Variants in SERINC5 observed in about 807,000 individuals in gnomAD.
SERINC5 encodes chromosome 5 open reading frame 12.
A neutral mutation model predicts 63.1 loss-of-function variants in SERINC5; 41 were observed. The observed-to-expected ratio is 0.65, with a 90% CI of 0.51 to 0.84. The LOEUF (loss-of-function observed/expected upper bound fraction) is 0.84, where lower values mean the gene tolerates loss of function less well. SERINC5 is among the 40% of genes least tolerant of loss of function. The probability of loss-of-function intolerance (pLI) is 0.00; values close to 1 mark genes in which losing one functional copy is unlikely to be tolerated. For missense variants in SERINC5, 523 were observed against 573.0 expected, an observed-to-expected ratio of 0.91 and a Z score of 0.89; for synonymous variants, 222 against 215.2, an observed-to-expected ratio of 1.03 and a Z score of -0.28.
intron 11 of SERINC5, 89 bp downstream of exon 11, chr5:80,146,001 C>T: frequency 7.2e-7 from 1 of 1,394,844 alleles, no homozygotes; most frequent in Non-Finnish European, 1.0e-6. Flanking sequence ...CAGAGTGAGA[C>T]TCCTTCTCAA....
intron 1 of SERINC5, among the ~76,000 whole-genome samples, chr5:80,227,681 G>T (rs1751230834): frequency 6.6e-6 from 1 of 151,602 alleles, no homozygotes; most frequent in Admixed American, 6.6e-5. Context: ...TCAATCATTT[G>T]AAAGTTAAAA....
intron 2 of SERINC5, among the ~76,000 whole-genome samples, chr5:80,186,435 A>G (rs1748815581): frequency 6.6e-6 from 1 of 152,010 alleles, no homozygotes; most frequent in Non-Finnish European, 1.5e-5. Flanking sequence ...ACCGCGCCCG[A>G]CCTGTCAGTA....
chr5:80,246,125 T>C (rs1006556669), intron 1 of SERINC5, among the ~76,000 whole-genome samples: 13 of 152,266 alleles, frequency 8.5e-5, no homozygotes, highest in East Asian at 3.9e-4. Flanking sequence ...AATACTGCCA[T>C]TGTTTCTGAG....
rs769267723 is a variant in SERINC5 at position 80,142,115 on chromosome 5, C to G, written c.*1548G>C. 1.8e-4 allele frequency: 175 copies of G among 985,318 alleles called. No individual in the cohort carries two copies. In the Middle Eastern group the frequency reaches 2.6e-3, roughly 15 times the overall value. The allele number at this position is 985,318 out of a possible 1,614,324, so 61.0% of individuals were successfully genotyped here. On this transcript the variant is annotated 3_prime_UTR_variant, in exon 12 of 12. Coordinates refer to ENST00000507668, the MANE Select transcript of SERINC5 (RefSeq NM_001174072.3). ...CCTTTTATTCTTAGATCCTCACTTA[C>G]AGAGAGCTCGAGAAGATTCTTTCCA... is the stretch of plus-strand genomic sequence containing the variant.
intron 8 of SERINC5, 130 bp from the exon 9 acceptor site, chr5:80,151,078 A>G: frequency 1.4e-6 from 1 of 711,482 alleles, no homozygotes; most frequent in South Asian, 1.5e-5. Context: ...GACTTAAATC[A>G]AAGCAATCTA....
chr5:80,208,940 A>T (rs946521825), intron 1 of SERINC5, among the ~76,000 whole-genome samples: 2 of 152,226 alleles, frequency 1.3e-5, no homozygotes, highest in Non-Finnish European at 2.9e-5. Context: ...AGTACCTCAG[A>T]AAGTGACTGT....
chr5:80,215,979 T>C (rs890714688), intron 1 of SERINC5, among the ~76,000 whole-genome samples: 3 of 152,164 alleles, frequency 2.0e-5, no homozygotes, highest in African/African-American at 7.2e-5. Flanking sequence ...AGCAGTGGGA[T>C]TATTTGAATC....
intron 1 of SERINC5, among the ~76,000 whole-genome samples, chr5:80,250,809 G>A (rs1326731321): frequency 1.3e-5 from 2 of 152,018 alleles, no homozygotes; most frequent in Non-Finnish European, 1.5e-5. Flanking sequence ...CATTTACAGC[G>A]ACCAACCCTT....
At chr5:80,211,481 G>C (rs966291435) in intron 1 of SERINC5, among the ~76,000 whole-genome samples, 1 of 152,124 alleles carries the variant, frequency 6.6e-6, no homozygotes, top group African/African-American at 2.4e-5. Flanking sequence ...ATAACCACAT[G>C]AACTCCTGTG....
chr5:80,134,143 C>CTA (rs1039526862), downstream of SERINC5, among the ~76,000 whole-genome samples: 2 of 152,202 alleles, frequency 1.3e-5, no homozygotes, highest in Non-Finnish European at 2.9e-5. Flanking sequence ...AGTTCCCAGG[C>CTA]TAAAAGGGTG....
intron 1 of SERINC5, among the ~76,000 whole-genome samples, chr5:80,225,569 C>T (rs1561439448): frequency 6.6e-6 from 1 of 152,162 alleles, no homozygotes; most frequent in Non-Finnish European, 1.5e-5. Flanking sequence ...CTCCTTCTTC[C>T]TGATAGCACC....
chr5:80,114,955 A>G (rs966098156), intron 11 of SERINC5, among the ~76,000 whole-genome samples: 1 of 152,000 alleles, frequency 6.6e-6, no homozygotes, highest in Non-Finnish European at 1.5e-5. Flanking sequence ...TGGATCTGTG[A>G]CACTCCATAA....
chr5:80,226,786 C>T (rs13355153), intron 1 of SERINC5, among the ~76,000 whole-genome samples: 20,818 of 152,158 alleles, frequency 0.14, 1,910 homozygotes, highest in Non-Finnish European at 0.19. Flanking sequence ...AGGTAGGGTC[C>T]TCAGTTCTTA....
In SERINC5 at chr5:80,255,878, GC is replaced by G; in HGVS notation, c.27+17del. ...TCTCCGATCTGACAACCCCCGCGCT[GC>G]GCCCGGCCTCGCTCACCTGGCCCGC... On this transcript the variant is annotated intron_variant, in intron 1 of 11. Transcript: ENST00000507668. 6.3e-7 allele frequency: 1 copy of G among 1,589,924 alleles called. No individual in the cohort carries two copies. The highest frequency in any genetic ancestry group is 1.7e-5 in the Admixed American group (1 of 58,636).
intron 11 of SERINC5, chr5:80,116,122 A>G: frequency 2.8e-6 from 1 of 360,650 alleles, no homozygotes; most frequent in Non-Finnish European, 5.4e-6. Flanking sequence ...TGCTGCAGCA[A>G]TGCAAAAATA....
rs1329397156 is a variant in SERINC5, at chr5:80,113,613, G to T, written c.1251C>A (p.His417Gln). ...GGAGGCCTCAGAATCATGGCAGGAGGTGAAAGGCACTTCTTACATGGCAGC... is the reference window on the plus strand; with the variant it reads ...GGAGGCCTCAGAATCATGGCAGGAGTTGAAAGGCACTTCTTACATGGCAGC... The change falls in exon 12 of 13, where the codon CAC (histidine) becomes CAA (glutamine). Residue 417 changes from histidine (H) to glutamine (Q), a missense_variant. Physicochemically the swap from His to Gln is conservative, Grantham distance 24. Coordinates refer to the SERINC5 transcript ENST00000509193. The T allele has an allele frequency of 2.1e-5, 6 of 292,388 alleles. No individual in the cohort carries two copies. In the East Asian group the frequency reaches 6.8e-4, roughly 33 times the overall value. 18.1% of individuals were successfully genotyped at this position (292,388 alleles called of 1,614,324 possible).
chr5:80,178,537 A>ATTTT (rs1182662594), intron 2 of SERINC5, among the ~76,000 whole-genome samples: 417 of 77,526 alleles, frequency 5.4e-3, no homozygotes, highest in East Asian at 0.019. Context: ...TAATTTTTGT[A>ATTTT]TTTTTTTTTT....
At chr5:80,144,673 C>T (rs1320277352) in intron 11 of SERINC5, among the ~76,000 whole-genome samples, 1 of 152,132 alleles carries the variant, frequency 6.6e-6, no homozygotes, top group African/African-American at 2.4e-5. Context: ...AACCACCACT[C>T]CCACCACCCC....
intron 11 of SERINC5, among the ~76,000 whole-genome samples, chr5:80,123,501 A>T (rs1744625554): frequency 6.6e-6 from 1 of 152,204 alleles, no homozygotes; most frequent in Admixed American, 6.5e-5. Context: ...GTATGCTCTT[A>T]GCTTTACATT....
Sources: allele counts gnomAD v4.1 joint callset (sites outside exome capture counted in the v4.1 genomes callset), GRCh38; gene constraint gnomAD v4.1.1; transcripts MANE v1.5; gene names NCBI Gene and HGNC (gene_info 2026-07-23, HGNC 2026-07-21).